Variants in MANBA observed in about 807,000 individuals in gnomAD.
MANBA encodes mannosidase beta.
A neutral mutation model predicts 111.1 loss-of-function variants in MANBA; 83 were observed. The ratio of observed to expected loss-of-function variants is 0.75; its 90% CI spans 0.63 to 0.90. The LOEUF (loss-of-function observed/expected upper bound fraction) is 0.90, where lower values mean the gene tolerates loss of function less well. Among genes scored for constraint, MANBA ranks in the 40% least tolerant of loss-of-function variants. MANBA has a pLI of 0.00. For synonymous variants in MANBA, 370 were observed against 378.7 expected (o/e 0.98, Z 0.27); for missense variants, 1,036 against 1,069.0 (o/e 0.97, Z 0.43).
chr4:102,653,659 T>A (rs1303689642), intron 12 of MANBA, among the ~76,000 whole-genome samples: 1 of 152,212 alleles, frequency 6.6e-6, no homozygotes, highest in East Asian at 1.9e-4. Flanking sequence ...AAATGATTCA[T>A]AATGAGCAGC....
chr4:102,712,524 C>CTTTT (rs34353180), intron 5 of MANBA, among the ~76,000 whole-genome samples: 3 of 144,958 alleles, frequency 2.1e-5, no homozygotes, highest in Non-Finnish European at 3.0e-5. Flanking sequence ...AATCGGACCA[C>CTTTT]TTTTTTTTTT....
At position 102,717,278 on chromosome 4, in the gene MANBA, C is replaced by T. The variant is rs527603486; in HGVS notation, c.550-2717G>A. Reference sequence around the variant, plus strand: ...AATTCAAGCATTGAATAAATAATTACAAGTATAATGAGTTTTACAATGGAA... The same window carrying T: ...AATTCAAGCATTGAATAAATAATTATAAGTATAATGAGTTTTACAATGGAA... On this transcript the variant is annotated intron_variant, in intron 4 of 16. Coordinates refer to ENST00000647097, the MANE Select transcript of MANBA (RefSeq NM_005908.4). Among the ~76,000 whole-genome samples the T allele has an allele frequency of 1.3e-4, 19 of 146,518 alleles. 1 individual carries two copies. The highest frequency in any genetic ancestry group is 2.2e-4 in the Non-Finnish European group (15 of 67,038).
chr4:102,730,099 A>G, intron 1 of MANBA: 1 of 1,020,642 alleles, frequency 9.8e-7, no homozygotes, highest in Non-Finnish European at 1.4e-6. Context: ...CCACTTGTGT[A>G]GGAGTGGCTG....
At chr4:102,727,706 G>A (rs542787840) in intron 1 of MANBA, 22 of 1,135,052 alleles carry the variant, frequency 1.9e-5, no homozygotes, top group Non-Finnish European at 2.9e-5. Flanking sequence ...GATGGTTGTA[G>A]GTTGTGTTTT....
At chr4:102,673,406 G>A (rs568752604) in intron 8 of MANBA, among the ~76,000 whole-genome samples, 89 of 151,944 alleles carry the variant, frequency 5.9e-4, no homozygotes, top group Non-Finnish European at 1.1e-3. Flanking sequence ...TACTTGGGAG[G>A]CTGAGGCAGG....
chr4:102,729,828 T>C (rs1722962060), intron 1 of MANBA: 1 of 1,293,806 alleles, frequency 7.7e-7, no homozygotes, highest in African/African-American at 1.4e-5. Flanking sequence ...CATCTTGTTC[T>C]ACTGCTCCAG....
intron 5 of MANBA, among the ~76,000 whole-genome samples, chr4:102,692,920 G>A (rs569400832): frequency 6.6e-6 from 1 of 151,942 alleles, no homozygotes. Context: ...GTTATAACCG[G>A]CACTGTTTAC....
intron 2 of MANBA, among the ~76,000 whole-genome samples, chr4:102,725,549 T>C (rs757842520): frequency 1.3e-5 from 2 of 152,234 alleles, no homozygotes; most frequent in African/African-American, 2.4e-5. Flanking sequence ...GAGAAGTTTA[T>C]ACTTGATTTG....
At chr4:102,661,562 G>A (rs1469785082) in intron 11 of MANBA, among the ~76,000 whole-genome samples, 1 of 152,238 alleles carries the variant, frequency 6.6e-6, no homozygotes, top group African/African-American at 2.4e-5. Flanking sequence ...CATTGAAGAA[G>A]AAGGCCAGTC....
At chr4:102,715,650 C>T (rs576013927) in intron 4 of MANBA, among the ~76,000 whole-genome samples, 1 of 152,326 alleles carries the variant, frequency 6.6e-6, no homozygotes, top group South Asian at 2.1e-4. Flanking sequence ...TCCTCCCACC[C>T]TCCACCTTCT....
Position 102,702,690 on chromosome 4 carries a change from T to C in MANBA, c.673+11748A>G, listed in dbSNP as rs545842074. Among the ~76,000 whole-genome samples the C allele has an allele frequency of 1.1e-4, 16 of 152,306 alleles. No homozygotes were observed. The South Asian group carries it at 3.3e-3, about 32-fold the overall frequency. ...CAGAAAAGAAACATAGATATATACA[T>C]ATATATAAGTAAATGAATTCACAAG... On this transcript the variant is annotated intron_variant, in intron 5 of 16. Coordinates refer to ENST00000647097, the MANE Select transcript of MANBA (RefSeq NM_005908.4).
chr4:102,711,683 A>G (rs1016705734), intron 5 of MANBA, among the ~76,000 whole-genome samples: 2 of 152,226 alleles, frequency 1.3e-5, no homozygotes, highest in African/African-American at 4.8e-5. Context: ...ACTATTCACA[A>G]TAGCAAAGAT....
chr4:102,757,329 CAA>C (rs1195923041), intron 1 of MANBA, among the ~76,000 whole-genome samples: 1 of 127,564 alleles, frequency 7.8e-6, no homozygotes, highest in Non-Finnish European at 1.7e-5. Flanking sequence ...AACTCCGTCT[CAA>C]AAAAAAAAAA....
intron 5 of MANBA, among the ~76,000 whole-genome samples, chr4:102,692,591 A>T (rs938546695): frequency 6.6e-6 from 1 of 152,172 alleles, no homozygotes; most frequent in Non-Finnish European, 1.5e-5. Context: ...ACTGGTCATG[A>T]GATCTCAAAA....
At chr4:102,636,060 C>A in intron 14 of MANBA, 53 bp from the exon 15 acceptor site, 1 of 1,539,056 alleles carries the variant, frequency 6.5e-7, no homozygotes, top group Non-Finnish European at 9.0e-7. Context: ...GTCAGAGAGG[C>A]ACTGTCCAAT....
intron 7 of MANBA, among the ~76,000 whole-genome samples, chr4:102,676,731 G>T (rs1426876337): frequency 6.6e-6 from 1 of 152,136 alleles, no homozygotes. Context: ...TATACAAGAG[G>T]TGCTGAAATA....
intron 2 of MANBA, among the ~76,000 whole-genome samples, chr4:102,724,995 G>C (rs1722739466): frequency 6.6e-6 from 1 of 152,320 alleles, no homozygotes; most frequent in Non-Finnish European, 1.5e-5. Flanking sequence ...CATATTGTAT[G>C]ATTCCATTTA....
In MANBA at chr4:102,632,746, A is replaced by C. The variant is rs1264384353; in HGVS notation, c.2416-465T>G. Among the ~76,000 whole-genome samples, 3 of 152,266 alleles carry C rather than the reference A, an allele frequency of 2.0e-5. No homozygotes were observed. In the South Asian group the frequency reaches 6.2e-4, roughly 31 times the overall value. ...ACTGCCAGAAATTTACAAAAGCTCT[A>C]CCATTAGAGCTTATCTCTTTTACTG... On this transcript the variant is annotated intron_variant, in intron 16 of 16. Coordinates refer to ENST00000647097, the MANE Select transcript of MANBA (RefSeq NM_005908.4).
At chr4:102,633,801 AT>A (rs1729496151) in intron 16 of MANBA, among the ~76,000 whole-genome samples, 4 of 151,998 alleles carry the variant, frequency 2.6e-5, no homozygotes, top group African/African-American at 9.7e-5. Flanking sequence ...TTGGAAAAAA[AT>A]ATATGTAAGA....
Sources: allele counts gnomAD v4.1 joint callset (sites outside exome capture counted in the v4.1 genomes callset), GRCh38; gene constraint gnomAD v4.1.1; transcripts MANE v1.5; gene names NCBI Gene and HGNC (gene_info 2026-07-23, HGNC 2026-07-21).